Variants in TRIM7 observed in about 807,000 individuals in gnomAD.
The protein encoded by TRIM7 is E3 ubiquitin-protein ligase TRIM7.
In TRIM7, 32 loss-of-function variants were observed where a neutral mutation model predicts 37.9. The observed-to-expected ratio is 0.84, with a 90% CI of 0.64 to 1.13. The LOEUF (loss-of-function observed/expected upper bound fraction) is 1.13, where lower values mean the gene tolerates loss of function less well. TRIM7 is among the 50% of genes most tolerant of loss of function. TRIM7 has a pLI of 0.00. For missense variants in TRIM7, 732 were observed against 714.0 expected (o/e 1.03, Z -0.29); for synonymous variants, 351 against 321.3 (o/e 1.09, Z -0.99).
In TRIM7 at chr5:181,204,619, C is replaced by A; in HGVS notation, c.492G>T (p.Leu164=). ...RAREHREHAV[L]PLDEAVQEAK... is the part of the protein sequence containing the mutation. ...CCTCCTGCACCGCCTCGTCCAGCGG[C>A]AGCACGGCGTGCTCGCGGTGCTCGC... The change falls in exon 1 of 7, where the codon CTG becomes CTT. Residue 164 remains leucine (L), a synonymous_variant. Transcript: ENST00000274773. The A allele has an allele frequency of 6.8e-7, 1 of 1,469,272 alleles. No individual in the cohort carries two copies. The highest frequency in any genetic ancestry group is 8.9e-7 in the Non-Finnish European group (1 of 1,123,692). 91.0% of individuals were successfully genotyped at this position (1,469,272 alleles called of 1,614,324 possible).
Position 181,195,379 on chromosome 5 carries a change from C to T in TRIM7, c.1323G>A (p.Gln441=), listed in dbSNP as rs1757034284. 1.3e-6 allele frequency: 2 copies of T among 1,580,972 alleles called. No homozygotes were observed. The highest frequency in any genetic ancestry group is 1.7e-6 in the Non-Finnish European group (2 of 1,163,838). ...GVWALQLNGG[Q]YWAVTSPERS... is the part of the protein sequence containing the mutation. Reference sequence around the variant, plus strand: ...GCTCGGGGCTGGTCACGGCCCAGTACTGGCCGCCGTTGAGCTGCAGGGCCC... The same window carrying T: ...GCTCGGGGCTGGTCACGGCCCAGTATTGGCCGCCGTTGAGCTGCAGGGCCC... Residue 441 remains glutamine, a synonymous_variant, in exon 7 of 7, where the codon CAG becomes CAA. Coordinates refer to ENST00000274773, the MANE Select transcript of TRIM7 (RefSeq NM_203293.3).
chr5:181,198,224 G>A lies in TRIM7; in HGVS notation c.989-6C>T. 1 of 1,614,118 alleles carries A rather than the reference G, an allele frequency of 6.2e-7. No individual in the cohort carries two copies. Among genetic ancestry groups the A allele is most frequent in the South Asian group, 1.1e-5 (1 of 91,070 alleles). Reference sequence around the variant, plus strand: ...CAGCTCTCCCCGAAGGTCCTCTGAGGAGGAGAAACAAAGCAAGGCGTGCAT... The same window carrying A: ...CAGCTCTCCCCGAAGGTCCTCTGAGAAGGAGAAACAAAGCAAGGCGTGCAT... On this transcript the variant is annotated splice_polypyrimidine_tract_variant and splice_region_variant and intron_variant, in intron 5 of 6. Coordinates refer to ENST00000274773, the MANE Select transcript of TRIM7 (RefSeq NM_203293.3).
In TRIM7 at chr5:181,198,775, G is replaced by A; in HGVS notation, c.903C>T (p.Thr301=). Residue 301 remains threonine, a synonymous_variant, in exon 5 of 7, where the codon ACC becomes ACT. Coordinates refer to ENST00000274773, the MANE Select transcript of TRIM7 (RefSeq NM_203293.3). ...RCSNVPGPKP[T]TVSSEMKNKV... is the part of the protein sequence containing the mutation. ...TATTCTTCATCTCAGAAGAGACTGT[G>A]GTTGGCTTGGGGCCAGGCACATTGC... is the stretch of plus-strand genomic sequence containing the variant. 1 of 1,614,070 alleles carries A rather than the reference G, an allele frequency of 6.2e-7. No homozygotes were observed. Among genetic ancestry groups the A allele is most frequent in the Non-Finnish European group, 8.5e-7 (1 of 1,179,972 alleles).
chr5:181,205,159 ACCTCACAGGACGCGGAGCTGGG>A lies in TRIM7; in HGVS notation c.-71_-50del. ...CTGGTCGCGCCTGGGCGGCCACTGG[ACCTCACAGGACGCGGAGCTGGG>A]CGCCGAGGGCCCACTGGGAGAGGAA... On this transcript the variant is annotated 5_prime_UTR_variant, in exon 1 of 7. Transcript: ENST00000274773. 4.7e-6 allele frequency: 6 copies of A among 1,273,376 alleles called. No homozygotes were observed. The highest frequency in any genetic ancestry group is 5.9e-6 in the Non-Finnish European group (6 of 1,009,154). The allele number at this position is 1,273,376 out of a possible 1,614,324, so 78.9% of individuals were successfully genotyped here.
intron 2 of TRIM7, 114 bp from the exon 3 acceptor site, chr5:181,200,195 G>A (rs1322710638): frequency 6.9e-6 from 11 of 1,590,804 alleles, no homozygotes; most frequent in South Asian, 3.4e-5. Flanking sequence ...CTGGAGGATC[G>A]GAGACACACC....
rs373704693 is a variant in TRIM7 at position 181,200,022 on chromosome 5, G to A, written c.678C>T (p.Phe226=). Reference sequence around the variant, plus strand: ...GCAGCCGACCCTCCTGCTCCACCAGGAAAGCCCTCAGTGCCTGGAACTCTG... The same window carrying A: ...GCAGCCGACCCTCCTGCTCCACCAGAAAAGCCCTCAGTGCCTGGAACTCTG... ...VGAEFQALRA[F]LVEQEGRLLG... The change falls in exon 3 of 7, where the codon TTC becomes TTT. Residue 226 remains phenylalanine, a synonymous_variant. Transcript: ENST00000274773. 21 of 1,614,122 alleles carry A rather than the reference G, an allele frequency of 1.3e-5. No homozygotes were observed. The highest frequency in any genetic ancestry group is 1.5e-5 in the Non-Finnish European group (18 of 1,180,056).
Position 181,204,602 on chromosome 5 carries a change from A to G in TRIM7, c.509T>C (p.Val170Ala). ...EHAVLPLDEA[V>A]QEAKELLESR... The stretch of plus-strand genomic sequence containing the variant: ...GGCTGCGCTCACCTTGGCCTCCTGC[A>G]CCGCCTCGTCCAGCGGCAGCACGGC... Residue 170 changes from valine to alanine, a missense_variant, in exon 1 of 7, where the codon GTG (valine) becomes GCG (alanine). Physicochemically the swap from Val to Ala is moderately conservative, Grantham distance 64. Transcript: ENST00000274773. 1 of 1,444,378 alleles carries G rather than the reference A, an allele frequency of 6.9e-7. No homozygotes were observed. The highest frequency in any genetic ancestry group is 9.0e-7 in the Non-Finnish European group (1 of 1,108,970). 89.5% of individuals were successfully genotyped at this position (1,444,378 alleles called of 1,614,324 possible).
At chr5:181,202,597 C>G (rs1295083239) in intron 2 of TRIM7, 3 of 147,484 alleles carry the variant, frequency 2.0e-5, no homozygotes, top group African/African-American at 5.0e-5. Flanking sequence ...GGTGGAGTCT[C>G]GCTCTGTCTC....
chr5:181,203,759 G>A, intron 1 of TRIM7, 119 bp from the exon 2 acceptor site: 1 of 1,479,054 alleles, frequency 6.8e-7, no homozygotes, highest in Non-Finnish European at 8.9e-7. Context: ...GGGGAGGCCG[G>A]GTAGAAGTCA....
intron 6 of TRIM7, chr5:181,196,937 C>T (rs756910642): frequency 6.6e-6 from 1 of 152,120 alleles, no homozygotes; most frequent in African/African-American, 2.4e-5. Flanking sequence ...GGTGGGAAGA[C>T]AGCTTGAGCC....
At chr5:181,203,167 T>C in intron 2 of TRIM7, 2 of 656,016 alleles carry the variant, frequency 3.0e-6, no homozygotes, top group South Asian at 1.3e-4. Context: ...GGCTCTTTAT[T>C]GTATTAATAT....
intron 2 of TRIM7, among the ~76,000 whole-genome samples, chr5:181,201,178 C>A (rs764858945): frequency 1.3e-5 from 2 of 152,198 alleles, no homozygotes; most frequent in Non-Finnish European, 1.5e-5. Context: ...CCAGATACTT[C>A]TTGGTTGTAG....
rs945843473 is a variant in TRIM7, at chr5:181,198,975, C to A, written c.872+120G>T. ...GGTGGGCGTTTGTCTCGGAAGGTCC[C>A]CAGGCAAGCAAGTCGGGGGATCAGG... On this transcript the variant is annotated intron_variant, in intron 4 of 6. Coordinates refer to ENST00000274773, the MANE Select transcript of TRIM7 (RefSeq NM_203293.3). 8.4e-5 allele frequency: 118 copies of A among 1,411,840 alleles called. No individual in the cohort carries two copies. In the African/African-American group the frequency reaches 1.6e-3, roughly 19 times the overall value. 87.5% of individuals were successfully genotyped at this position (1,411,840 alleles called of 1,614,324 possible).
At position 181,195,355 on chromosome 5, in the gene TRIM7, C is replaced by G. The variant is rs759027826; in HGVS notation, c.1347G>C (p.Glu449Asp). 1.9e-6 allele frequency: 3 copies of G among 1,580,682 alleles called. No individual in the cohort carries two copies. The highest frequency in any genetic ancestry group is 2.6e-6 in the Non-Finnish European group (3 of 1,163,908). ...GGQYWAVTSPERSPLSCGHLS... is the reference protein window; with the variant it reads ...GGQYWAVTSPDRSPLSCGHLS... ...GGTGCCCGCAGCTGAGGGGCGACCG[C>G]TCGGGGCTGGTCACGGCCCAGTACT... Residue 449 changes from glutamate (E) to aspartate (D), a missense_variant, in exon 7 of 7, where the codon GAG becomes GAC. Glu to Asp is a conservative substitution (Grantham distance 45, BLOSUM62 2). Transcript: ENST00000274773.
At position 181,204,830 on chromosome 5, in the gene TRIM7, C is replaced by A. The variant is rs1481899911; in HGVS notation, c.281G>T (p.Arg94Leu). The change falls in exon 1 of 7, where the codon CGG (arginine) becomes CTG (leucine). Residue 94 changes from arginine to leucine, a missense_variant. Physicochemically the swap from Arg to Leu is moderately radical, Grantham distance 102. Coordinates refer to ENST00000274773, the MANE Select transcript of TRIM7 (RefSeq NM_203293.3). ...PARPSQLRPN[R>L]QLAAVATLLR... ...GAGCGTGGCCACTGCCGCCAGCTGCCGGTTGGGCCGCAGCTGACTGGGGCG... is the reference window on the plus strand; with the variant it reads ...GAGCGTGGCCACTGCCGCCAGCTGCAGGTTGGGCCGCAGCTGACTGGGGCG... The A allele has an allele frequency of 1.5e-6, 2 of 1,372,970 alleles. No individual in the cohort carries two copies. Among genetic ancestry groups the A allele is most frequent in the Non-Finnish European group, 1.9e-6 (2 of 1,071,620 alleles). 85.0% of individuals were successfully genotyped at this position (1,372,970 alleles called of 1,614,324 possible). A position where few individuals can be genotyped will look rare whatever the true frequency, so the allele number is the denominator to read the frequency against.
chr5:181,198,300 C>A, intron 5 of TRIM7, 82 bp from the exon 6 acceptor site: 3 of 1,402,638 alleles, frequency 2.1e-6, no homozygotes, highest in Non-Finnish European at 3.0e-6. Context: ...TATATCCCAA[C>A]TGACTCATTC....
At position 181,199,863 on chromosome 5, in the gene TRIM7, A is replaced by G; in HGVS notation, c.837T>C (p.Leu279=). 2 of 1,613,626 alleles carry G rather than the reference A, an allele frequency of 1.2e-6. No homozygotes were observed. Residue 279 remains leucine (L), a synonymous_variant, in exon 3 of 7, where the codon CTT becomes CTC. Transcript: ENST00000274773. ...GAGCCAGACTTACCTGGAGAAAGTC[A>G]AGGTCAGGCTTTTGAGCTGTCTCCT... is the stretch of plus-strand genomic sequence containing the variant. The part of the protein sequence containing the change: ...QIQETAQKPD[L]DFLQEFKSTL...
chr5:181,202,096 C>T (rs1272152480), intron 2 of TRIM7: 1 of 152,270 alleles, frequency 6.6e-6, no homozygotes, highest in Non-Finnish European at 1.5e-5. Flanking sequence ...CTCCACCCCT[C>T]CTGACATTGA....
Position 181,195,608 on chromosome 5 carries a change from C to G in TRIM7, c.1094G>C (p.Arg365Pro), listed in dbSNP as rs774595436. 7 of 1,583,106 alleles carry G rather than the reference C, an allele frequency of 4.4e-6. No individual in the cohort carries two copies. In the South Asian group the frequency reaches 6.9e-5, roughly 15 times the overall value. ...CAGGTCCTGGGCCCGCTCGCCGAGGCGCACGCCCTTAAGATCCAGAGAGAG... is the reference window on the plus strand; with the variant it reads ...CAGGTCCTGGGCCCGCTCGCCGAGGGGCACGCCCTTAAGATCCAGAGAGAG... The part of the protein sequence containing the change: ...LILSLDLKGV[R>P]LGERAQDLPN... The change falls in exon 7 of 7, where the codon CGC (arginine) becomes CCC (proline). Residue 365 changes from arginine to proline, a missense_variant. Arg to Pro is a moderately radical substitution (Grantham distance 103, BLOSUM62 -2). Coordinates refer to ENST00000274773, the MANE Select transcript of TRIM7 (RefSeq NM_203293.3).
Sources: gnomAD v4.1 joint callset for allele counts (sites outside exome capture counted in the v4.1 genomes callset) on GRCh38, gnomAD v4.1.1 for gene constraint, MANE v1.5 for transcripts, NCBI Gene and HGNC (gene_info 2026-07-23, HGNC 2026-07-21) for gene names.